The following YBX2 variants were observed in gnomAD, a reference collection of about 807,000 sequenced individuals.
The protein encoded by YBX2 is Y-box-binding protein 2.
A neutral mutation model predicts 44.4 loss-of-function variants in YBX2; 5 were observed. That is an observed-to-expected ratio of 0.11 (90% CI 0.06 to 0.24). The LOEUF is 0.24. Ranked by LOEUF, YBX2 falls within the 10% of genes least tolerant of loss-of-function variation. The pLI is 1.00. For synonymous variants in YBX2, 188 were observed against 216.1 expected, an observed-to-expected ratio of 0.87 and a Z score of 1.14; for missense variants, 417 against 526.9, an observed-to-expected ratio of 0.79 and a Z score of 2.04.
chr17:7,293,238 AG>A (rs1220519348), intron 2 of YBX2: 2 of 640,218 alleles, frequency 3.1e-6, no homozygotes, highest in Non-Finnish European at 5.3e-6. Context: ...GCAGGGTCAG[AG>A]CCAGGTTTGC....
chr17:7,293,668 G>C, intron 1 of YBX2, 130 bp from the exon 2 acceptor site: 2 of 1,534,326 alleles, frequency 1.3e-6, no homozygotes, highest in Non-Finnish European at 1.8e-6. Flanking sequence ...TTACCTTCAA[G>C]CCAACCAGGT....
intron 2 of YBX2, chr17:7,292,303 G>A (rs2072506814): frequency 3.7e-6 from 2 of 536,500 alleles, no homozygotes; most frequent in East Asian, 3.2e-5. Context: ...GGCAGGCTGG[G>A]GAGGCAAAGG....
intron 7 of YBX2, 111 bp downstream of exon 7, chr17:7,289,419 C>G: frequency 1.3e-6 from 2 of 1,484,158 alleles, no homozygotes; most frequent in Non-Finnish European, 1.8e-6. Flanking sequence ...GGTGGCAGGG[C>G]CAGGGCAGGG....
rs2072495488 is a variant in YBX2 at position 7,290,695 on chromosome 17, C to T, written c.460-160G>A. ...CTGGAGAGGCAGTGGAATGTGCTTG[C>T]ACCCATTTGGGAAGGAGCAACATGT... On this transcript the variant is annotated intron_variant, in intron 4 of 8. Coordinates refer to ENST00000007699, the MANE Select transcript of YBX2 (RefSeq NM_015982.4). The T allele has an allele frequency of 7.2e-6, 6 of 831,990 alleles. No individual in the cohort carries two copies. In the Admixed American group the frequency reaches 1.1e-4, roughly 16 times the overall value. The allele number at this position is 831,990 out of a possible 1,614,324, so 51.5% of individuals were successfully genotyped here. A position where few individuals can be genotyped will look rare whatever the true frequency, so the allele number is the denominator to read the frequency against.
intron 2 of YBX2, 52 bp downstream of exon 2, chr17:7,293,423 A>C: frequency 6.2e-7 from 1 of 1,612,754 alleles, no homozygotes; most frequent in Non-Finnish European, 8.5e-7. Context: ...CCAGTCCCAC[A>C]GGCCAGCTGG....
intron 6 of YBX2, 65 bp from the exon 7 acceptor site, chr17:7,289,790 G>GC: frequency 6.2e-7 from 1 of 1,603,664 alleles, no homozygotes; most frequent in Non-Finnish European, 8.5e-7. Flanking sequence ...TCACCCAGCT[G>GC]CCCCACCCCA....
At chr17:7,289,872 G>T in intron 6 of YBX2, 96 bp downstream of exon 6, 1 of 1,585,330 alleles carries the variant, frequency 6.3e-7, no homozygotes, top group Non-Finnish European at 8.6e-7. Flanking sequence ...AGGAGCCCAG[G>T]CTCTGCCTAG....
chr17:7,288,301 G>A lies in YBX2; in HGVS notation c.*382C>T, dbSNP rs909326116. On this transcript the variant is annotated 3_prime_UTR_variant, in exon 9 of 9. Transcript: ENST00000007699. Reference sequence around the variant, plus strand: ...TTTACTGGAGGCTCAGGTGGCACATGACAGATCATAAAATGGCTTCAGAGG... The same window carrying A: ...TTTACTGGAGGCTCAGGTGGCACATAACAGATCATAAAATGGCTTCAGAGG... 2 of 169,430 alleles carry A rather than the reference G, an allele frequency of 1.2e-5. No homozygotes were observed. The highest frequency in any genetic ancestry group is 4.8e-5 in the African/African-American group (2 of 41,700). 10.5% of individuals were successfully genotyped at this position (169,430 alleles called of 1,614,324 possible). A position where few individuals can be genotyped will look rare whatever the true frequency, so the allele number is the denominator to read the frequency against.
chr17:7,288,969 C>A (rs2072475807), intron 7 of YBX2, 131 bp from the exon 8 acceptor site: 4 of 1,168,302 alleles, frequency 3.4e-6, no homozygotes, highest in Non-Finnish European at 5.0e-6. Context: ...TCAAGTGATT[C>A]TCCTGCCTTA....
chr17:7,291,667 G>A lies in YBX2; in HGVS notation c.369+359C>T. On this transcript the variant is annotated intron_variant, in intron 3 of 8. Coordinates refer to ENST00000007699, the MANE Select transcript of YBX2 (RefSeq NM_015982.4). This position sits in a 1 kb window ranked among gnomAD's most constrained non-coding sequence, Gnocchi z 5.8. ...CTGATTGATTCACCAGGTCTGGGGTGGGACCTGAGAATTCGGATGTCAGGT... is the reference window on the plus strand; with the variant it reads ...CTGATTGATTCACCAGGTCTGGGGTAGGACCTGAGAATTCGGATGTCAGGT... 5.1e-6 allele frequency: 2 copies of A among 393,468 alleles called. No homozygotes were observed. The highest frequency in any genetic ancestry group is 7.4e-5 in the Admixed American group (2 of 27,130). 24.4% of individuals were successfully genotyped at this position (393,468 alleles called of 1,614,324 possible).
chr17:7,294,465 C>T lies in YBX2; in HGVS notation c.36G>A (p.Ala12=), dbSNP rs753118882. 1 of 1,476,496 alleles carries T rather than the reference C, an allele frequency of 6.8e-7. No homozygotes were observed. The highest frequency in any genetic ancestry group is 9.0e-7 in the Non-Finnish European group (1 of 1,116,946). 91.5% of individuals were successfully genotyped at this position (1,476,496 alleles called of 1,614,324 possible). A position where few individuals can be genotyped will look rare whatever the true frequency, so the allele number is the denominator to read the frequency against. ...TCGCGGGCACCGTCGCCGCGGGGAC[C>T]GCTGTAGCCCCCGCTGCCGCCTCCA... ...SEVEAAAGAT[A]VPAATVPATA... is the part of the protein sequence containing the mutation. Residue 12 remains alanine, a synonymous_variant, in exon 1 of 9, where the codon GCG becomes GCA. Coordinates refer to ENST00000007699, the MANE Select transcript of YBX2 (RefSeq NM_015982.4). The surrounding 1 kb of genome is among the most constrained non-coding windows in gnomAD (Gnocchi z 4.6).
At position 7,294,295 on chromosome 17, in the gene YBX2, G is replaced by T. The variant is rs1172728399; in HGVS notation, c.206C>A (p.Pro69Gln). 3 of 1,276,444 alleles carry T rather than the reference G, an allele frequency of 2.4e-6. No individual in the cohort carries two copies. In the Admixed American group the frequency reaches 1.3e-4, roughly 54 times the overall value. 79.1% of individuals were successfully genotyped at this position (1,276,444 alleles called of 1,614,324 possible). Residue 69 changes from proline (P) to glutamine (Q), a missense_variant, in exon 1 of 9, where the codon CCG (proline) becomes CAG (glutamine). Pro to Gln is a moderately conservative substitution (Grantham distance 76). Coordinates refer to ENST00000007699, the MANE Select transcript of YBX2 (RefSeq NM_015982.4). The surrounding 1 kb of genome is among the most constrained non-coding windows in gnomAD (Gnocchi z 4.6). ...GGGGGTTCCCGAGACCGCCGTCGCCGGATTGCCAGGGGTGCGGGAGCCCGG... is the reference window on the plus strand; with the variant it reads ...GGGGGTTCCCGAGACCGCCGTCGCCTGATTGCCAGGGGTGCGGGAGCCCGG... ...SAPGSRTPGNPATAVSGTPAP... is the reference protein window; with the variant it reads ...SAPGSRTPGNQATAVSGTPAP...
intron 5 of YBX2, 80 bp downstream of exon 5, chr17:7,290,171 G>C (rs2072490433): frequency 1.2e-6 from 2 of 1,611,764 alleles, no homozygotes; most frequent in East Asian, 2.2e-5. Flanking sequence ...TCCTTCTTTG[G>C]GGACCCATGG....
chr17:7,292,298 G>T (rs989117759), intron 2 of YBX2: 5 of 545,050 alleles, frequency 9.2e-6, no homozygotes, highest in Admixed American at 3.0e-5. Flanking sequence ...GAAAGGGCAG[G>T]CTGGGGAGGC....
Position 7,289,955 on chromosome 17 carries a change from A to AG in YBX2, c.848+12dup, listed in dbSNP as rs1387352522. On this transcript the variant is annotated intron_variant, in intron 6 of 8. Transcript: ENST00000007699. ...TGGAAGGGGAAGACCAAGCCCCAGC[A>AG]GGGGGGTCTTACCTTCGGTACCTGG... 1.2e-5 allele frequency: 20 copies of AG among 1,613,134 alleles called. No homozygotes were observed. Among genetic ancestry groups the AG allele is most frequent in the South Asian group, 3.3e-5 (3 of 91,070 alleles).
At chr17:7,292,872 C>G (rs1024887308) in intron 2 of YBX2, 3 of 161,352 alleles carry the variant, frequency 1.9e-5, no homozygotes, top group African/African-American at 7.2e-5. Flanking sequence ...AGAGCCAGGC[C>G]GGGCAGGATG....
intron 4 of YBX2, 132 bp downstream of exon 4, chr17:7,290,961 G>A (rs2072497574): frequency 5.6e-6 from 5 of 894,464 alleles, no homozygotes; most frequent in Non-Finnish European, 9.4e-6. Context: ...GAGGACATCA[G>A]GGTGAGAGAA....
Position 7,289,633 on chromosome 17 carries a change from G to T in YBX2, c.941C>A (p.Pro314His). ...GCGGTTTCGTGGGCGCTGGGGCTCA[G>T]GCCGGGAACCATCAGCGGGACCTTG... ...PSQGPADGSR[P>H]EPQRPRNRPY... Residue 314 changes from proline (P) to histidine (H), a missense_variant, in exon 7 of 9, where the codon CCT becomes CAT. This residue lies in a region of YBX2 where 257 missense variants were observed against 261.7 expected (regional missense o/e 0.98). Coordinates refer to ENST00000007699, the MANE Select transcript of YBX2 (RefSeq NM_015982.4). The T allele has an allele frequency of 1.2e-6, 2 of 1,614,074 alleles. No homozygotes were observed. Among genetic ancestry groups the T allele is most frequent in the Non-Finnish European group, 1.7e-6 (2 of 1,179,978 alleles).
In YBX2 at chr17:7,291,202, T is replaced by C. The variant is rs201717309; in HGVS notation, c.370-20A>G. 51 of 1,613,110 alleles carry C rather than the reference T, an allele frequency of 3.2e-5. No homozygotes were observed. The highest frequency in any genetic ancestry group is 4.1e-5 in the Non-Finnish European group (48 of 1,179,160). On this transcript the variant is annotated intron_variant, in intron 3 of 8. Coordinates refer to ENST00000007699, the MANE Select transcript of YBX2 (RefSeq NM_015982.4). This position sits in a 1 kb window ranked among gnomAD's most constrained non-coding sequence, Gnocchi z 5.8. The stretch of plus-strand genomic sequence containing the variant: ...AGCTGTCTGATTGGGGAAAAGGCCA[T>C]GTGAAAAGTGAGACAGCAAGACAGG...
Sources: gnomAD v4.1 joint callset for allele counts on GRCh38, gnomAD v4.1.1 for gene constraint, gnomAD v4.1.1 regional missense constraint, Gnocchi (gnomAD v3.1) non-coding constraint, MANE v1.5 for transcripts, NCBI Gene and HGNC (gene_info 2026-07-23, HGNC 2026-07-21) for gene names.